ST6GALNAC3: variants seen among roughly 807,000 people sequenced by gnomAD.
ST6GALNAC3 encodes the protein alpha-N-acetylgalactosaminide alpha-2,6-sialyltransferase 3.
In ST6GALNAC3, 25 loss-of-function variants were observed where a neutral mutation model predicts 32.7. The observed-to-expected ratio is 0.76, with a 90% CI of 0.56 to 1.07. The LOEUF is 1.07. ST6GALNAC3 is among the 50% of genes least tolerant of loss of function. ST6GALNAC3 has a pLI of 0.00. For missense variants in ST6GALNAC3, 355 were observed against 382.4 expected, an observed-to-expected ratio of 0.93 and a Z score of 0.60; for synonymous variants, 129 against 133.1, an observed-to-expected ratio of 0.97 and a Z score of 0.21.
chr1:76,102,157 T>G (rs979399258), intron 1 of ST6GALNAC3, among the ~76,000 whole-genome samples: 3 of 152,092 alleles, frequency 2.0e-5, no homozygotes, highest in African/African-American at 7.2e-5. Flanking sequence ...TAGTAAGACT[T>G]TCTGCCTTAC....
At chr1:76,275,649 C>G (rs1659093615) in intron 1 of ST6GALNAC3, among the ~76,000 whole-genome samples, 1 of 152,158 alleles carries the variant, frequency 6.6e-6, no homozygotes, top group Non-Finnish European at 1.5e-5. Flanking sequence ...TCCTGATTCT[C>G]TCTCCCTGTA....
intron 3 of ST6GALNAC3, among the ~76,000 whole-genome samples, chr1:76,562,406 ACCAT>A (rs1470461925): frequency 6.6e-6 from 1 of 152,188 alleles, no homozygotes; most frequent in African/African-American, 2.4e-5. Context: ...GGCTTGAACT[ACCAT>A]AGTGGCAATG....
intron 1 of ST6GALNAC3, among the ~76,000 whole-genome samples, chr1:76,227,614 G>C (rs771338658): frequency 1.5e-4 from 23 of 152,152 alleles, no homozygotes; most frequent in South Asian, 4.1e-4. Flanking sequence ...GCACTCATCT[G>C]TATTTAAATC....
At chr1:76,268,953 CT>C (rs1320131397) in intron 1 of ST6GALNAC3, among the ~76,000 whole-genome samples, 1 of 152,224 alleles carries the variant, frequency 6.6e-6, no homozygotes, top group Non-Finnish European at 1.5e-5. Context: ...CATTTCGGCA[CT>C]TTATGCCGCC....
At chr1:76,378,836 C>T (rs997212529) in intron 2 of ST6GALNAC3, among the ~76,000 whole-genome samples, 4 of 152,018 alleles carry the variant, frequency 2.6e-5, no homozygotes, top group Admixed American at 2.6e-4. Context: ...CCTTCATTCC[C>T]AACTTTTATG....
At chr1:76,131,267 G>A (rs1649593127) in intron 1 of ST6GALNAC3, among the ~76,000 whole-genome samples, 1 of 152,178 alleles carries the variant, frequency 6.6e-6, no homozygotes, top group Non-Finnish European at 1.5e-5. Flanking sequence ...ATTGGTGATC[G>A]AGCGAAAAGC....
chr1:76,110,346 T>C (rs1438169761), intron 1 of ST6GALNAC3, among the ~76,000 whole-genome samples: 2 of 152,236 alleles, frequency 1.3e-5, no homozygotes, highest in African/African-American at 2.4e-5. Flanking sequence ...TAGAAGACTT[T>C]GACTTCTTTA....
chr1:76,297,502 A>G (rs1437055586), intron 1 of ST6GALNAC3, among the ~76,000 whole-genome samples: 1 of 152,072 alleles, frequency 6.6e-6, no homozygotes, highest in Non-Finnish European at 1.5e-5. Flanking sequence ...AGAAGGACAC[A>G]TGACATAAGT....
intron 3 of ST6GALNAC3, among the ~76,000 whole-genome samples, chr1:76,525,429 C>T (rs1028802342): frequency 2.6e-5 from 4 of 151,948 alleles, no homozygotes; most frequent in East Asian, 1.9e-4. Flanking sequence ...ATACAATTGC[C>T]GTCATTCTTG....
intron 3 of ST6GALNAC3, among the ~76,000 whole-genome samples, chr1:76,444,169 G>A (rs1034465897): frequency 5.9e-5 from 9 of 152,198 alleles, no homozygotes; most frequent in Non-Finnish European, 1.2e-4. Flanking sequence ...ACTGATAGCC[G>A]CTGGCATGGC....
intron 3 of ST6GALNAC3, among the ~76,000 whole-genome samples, chr1:76,429,613 C>T (rs984734222): frequency 6.6e-6 from 1 of 152,068 alleles, no homozygotes; most frequent in African/African-American, 2.4e-5. Context: ...ATGTGCTCAA[C>T]ATATTCTTCA....
At chr1:76,392,060 GC>G (rs993506313) in intron 2 of ST6GALNAC3, among the ~76,000 whole-genome samples, 10 of 152,136 alleles carry the variant, frequency 6.6e-5, no homozygotes, top group African/African-American at 2.4e-4. Context: ...AGGGGGCTGT[GC>G]TGTTCTTTGC....
intron 3 of ST6GALNAC3, among the ~76,000 whole-genome samples, chr1:76,616,682 A>G (rs181168149): frequency 6.6e-6 from 1 of 152,300 alleles, no homozygotes; most frequent in East Asian, 1.9e-4. Flanking sequence ...GCAGATCCAT[A>G]TGTCAGTTGT....
At chr1:76,127,762 G>A (rs906816984) in intron 1 of ST6GALNAC3, among the ~76,000 whole-genome samples, 3 of 152,126 alleles carry the variant, frequency 2.0e-5, no homozygotes, top group Non-Finnish European at 4.4e-5. Context: ...GCCCACCTAG[G>A]GAGGCAGTCT....
Sources: allele counts gnomAD v4.1 joint callset (sites outside exome capture counted in the v4.1 genomes callset), GRCh38; gene constraint gnomAD v4.1.1; transcripts MANE v1.5; gene names NCBI Gene and HGNC (gene_info 2026-07-23, HGNC 2026-07-21).